RBFOX3: variants seen among roughly 807,000 people sequenced by gnomAD.
The protein encoded by RBFOX3 is RNA binding fox-1 homolog 3, also known as RNA binding protein fox-1 homolog 3.
A neutral mutation model predicts 48.7 loss-of-function variants in RBFOX3; 17 were observed. That is an observed-to-expected ratio of 0.35 (90% CI 0.24 to 0.52). The LOEUF is 0.52. Among genes scored for constraint, RBFOX3 ranks in the 20% least tolerant of loss-of-function variants. The pLI, the probability that RBFOX3 is intolerant of heterozygous loss-of-function variation, is 0.94. For synonymous variants in RBFOX3, 212 were observed against 209.5 expected (o/e 1.01, Z -0.10); for missense variants, 382 against 497.5 (o/e 0.77, Z 2.21).
intron 2 of RBFOX3, among the ~76,000 whole-genome samples, chr17:79,449,918 C>T (rs1343142606): frequency 6.6e-6 from 1 of 152,158 alleles, no homozygotes; most frequent in African/African-American, 2.4e-5. Flanking sequence ...AGCCAGCCCG[C>T]TCGTTAATTA....
At chr17:79,401,894 G>A (rs1264668517) in intron 2 of RBFOX3, among the ~76,000 whole-genome samples, 2 of 152,218 alleles carry the variant, frequency 1.3e-5, no homozygotes, top group Non-Finnish European at 2.9e-5. Context: ...CCTGAGCTGT[G>A]AGAGCATAAA....
chr17:79,612,670 C>T (rs1409875355), upstream of RBFOX3, among the ~76,000 whole-genome samples: 1 of 152,244 alleles, frequency 6.6e-6, no homozygotes, highest in Admixed American at 6.5e-5. Flanking sequence ...GCCGTGTCTA[C>T]GAGCAAGGCA....
At chr17:79,225,293 T>C (rs1163067209) in intron 4 of RBFOX3, among the ~76,000 whole-genome samples, 1 of 86,556 alleles carries the variant, frequency 1.2e-5, no homozygotes, top group Non-Finnish European at 2.8e-5. Context: ...CCTCCATTCT[T>C]TTTTTTTTTT....
At chr17:79,114,633 G>A (rs1459077801) in intron 5 of RBFOX3, among the ~76,000 whole-genome samples, 1 of 152,242 alleles carries the variant, frequency 6.6e-6, no homozygotes, top group African/African-American at 2.4e-5. Context: ...CGCCGGGGCG[G>A]TGCCACTCCC....
the RBFOX3 span, among the ~76,000 whole-genome samples, chr17:79,629,430 TCAAAA>T: frequency 1.9e-3 from 296 of 152,110 alleles, 1 homozygote; most frequent in African/African-American, 6.8e-3. Flanking sequence ...GCAAAGCAAA[TCAAAA>T]CAAAAGCCCA....
chr17:79,456,957 C>G (rs2074598855), intron 2 of RBFOX3, among the ~76,000 whole-genome samples: 1 of 152,224 alleles, frequency 6.6e-6, no homozygotes, highest in Non-Finnish European at 1.5e-5. Context: ...GGAGTCCTTC[C>G]AACAGTTAGT....
chr17:79,507,293 T>C lies in RBFOX3; in HGVS notation c.-319-24695A>G, dbSNP rs974909360. On this transcript the variant is annotated intron_variant, in intron 1 of 14. Transcript: ENST00000693108. ...CCCACACCACCTGCCACTCAGGTGT[T>C]TTAAATGGGGCAGTCACCCCCTGAA... Among the ~76,000 whole-genome samples, 436 of 152,222 alleles carry C rather than the reference T, an allele frequency of 2.9e-3. 10 individuals are homozygous for C. The South Asian group carries it at 0.046, about 16-fold the overall frequency.
chr17:79,095,267 G>T (rs2074978551), intron 13 of RBFOX3, among the ~76,000 whole-genome samples: 1 of 152,116 alleles, frequency 6.6e-6, no homozygotes, highest in Admixed American at 6.5e-5. Flanking sequence ...GGGGGACTGG[G>T]AATCAGAGAT....
At chr17:79,549,597 C>T (rs1555792998) in intron 1 of RBFOX3, among the ~76,000 whole-genome samples, 3 of 152,252 alleles carry the variant, frequency 2.0e-5, no homozygotes. Context: ...CAAAGCGGGG[C>T]TCTGGGGACA....
chr17:79,154,623 C>A (rs973632198), intron 4 of RBFOX3, among the ~76,000 whole-genome samples: 1 of 152,170 alleles, frequency 6.6e-6, no homozygotes, highest in Non-Finnish European at 1.5e-5. Flanking sequence ...TGAGCCAGGA[C>A]GAGCCAGTAT....
intron 4 of RBFOX3, among the ~76,000 whole-genome samples, chr17:79,177,339 G>A (rs1049881138): frequency 1.3e-5 from 2 of 152,214 alleles, no homozygotes; most frequent in Non-Finnish European, 2.9e-5. Flanking sequence ...CCTCCTCCAA[G>A]GACGGCAGCC....
intron 4 of RBFOX3, among the ~76,000 whole-genome samples, chr17:79,208,874 G>C (rs530828826): frequency 1.3e-5 from 2 of 152,096 alleles, no homozygotes; most frequent in Admixed American, 6.5e-5. Flanking sequence ...GGAGTGCAGT[G>C]ATGTGATCTC....
chr17:79,530,421 G>A (rs1017161088), intron 1 of RBFOX3, among the ~76,000 whole-genome samples: 13 of 152,286 alleles, frequency 8.5e-5, no homozygotes, highest in East Asian at 1.9e-4. Context: ...TATGAAATGC[G>A]TAAGGCCCAG....
intron 12 of RBFOX3, among the ~76,000 whole-genome samples, 200 bp downstream of exon 12, chr17:79,096,453 T>G (rs576076857): frequency 5.9e-5 from 9 of 151,688 alleles, no homozygotes; most frequent in African/African-American, 2.2e-4. Flanking sequence ...CCTTGATGGG[T>G]ACCAACAACC....
rs552180150 is a variant in RBFOX3, at chr17:79,142,568, C to A, written c.-33-26820G>T. 7.2e-5 allele frequency among the ~76,000 whole-genome samples: 11 copies of A among 151,936 alleles called. No individual in the cohort carries two copies. In the East Asian group the frequency reaches 2.0e-3, roughly 27 times the overall value. On this transcript the variant is annotated intron_variant, in intron 4 of 14. Transcript: ENST00000693108. ...CAACGCTGCAACTAAACTCCGCCAG[C>A]GGGGCACGGTGGCGGGAGGCCACTC... is the stretch of plus-strand genomic sequence containing the variant.
intron 4 of RBFOX3, among the ~76,000 whole-genome samples, chr17:79,197,310 C>T (rs1015161292): frequency 6.6e-6 from 1 of 151,884 alleles, no homozygotes; most frequent in Non-Finnish European, 1.5e-5. Flanking sequence ...CTCTCTGCCT[C>T]CCCTCCACAC....
At chr17:79,589,382 C>T (rs1286396803) in intron 1 of RBFOX3, among the ~76,000 whole-genome samples, 1 of 152,150 alleles carries the variant, frequency 6.6e-6, no homozygotes, top group East Asian at 1.9e-4. Flanking sequence ...CTCCCTGTCT[C>T]TCCACATCAC....
intron 2 of RBFOX3, among the ~76,000 whole-genome samples, chr17:79,462,865 A>C (rs1206193947): frequency 6.6e-6 from 1 of 152,158 alleles, no homozygotes; most frequent in African/African-American, 2.4e-5. Flanking sequence ...GTTATCTGAC[A>C]TTTACTTCTT....
At chr17:79,099,252 T>G (rs1187149612) in intron 9 of RBFOX3, 1 of 152,256 alleles carries the variant, frequency 6.6e-6, no homozygotes, top group Non-Finnish European at 1.5e-5. Context: ...GCCTCCCGAG[T>G]AGCTTGGGCC....
Sources: gnomAD v4.1 joint callset for allele counts (sites outside exome capture counted in the v4.1 genomes callset) on GRCh38, gnomAD v4.1.1 for gene constraint, MANE v1.5 for transcripts, NCBI Gene and HGNC (gene_info 2026-07-23, HGNC 2026-07-21) for gene names.